Variants in CHODL observed in about 807,000 individuals in gnomAD.
The protein encoded by CHODL is transmembrane protein MT75.
A neutral mutation model predicts 34.5 loss-of-function variants in CHODL; 29 were observed. That is an observed-to-expected ratio of 0.84 (90% confidence interval 0.63 to 1.15). CHODL has a LOEUF of 1.15. Ranked by LOEUF, CHODL falls within the 50% of genes most tolerant of loss-of-function variation. The pLI is 0.00. For missense variants in CHODL, 332 were observed against 332.5 expected (o/e 1.00, Z 0.01); for synonymous variants, 125 against 116.1 (o/e 1.08, Z -0.49).
intron 2 of CHODL, among the ~76,000 whole-genome samples, chr21:18,073,719 A>C (rs1017541414): frequency 3.3e-5 from 5 of 152,012 alleles, no homozygotes; most frequent in Non-Finnish European, 5.9e-5. Flanking sequence ...GAATAAAAAG[A>C]TTAGCTTTAT....
chr21:18,106,499 T>C (rs1017015124), intron 2 of CHODL, among the ~76,000 whole-genome samples: 1 of 119,858 alleles, frequency 8.3e-6, no homozygotes, highest in African/African-American at 3.0e-5. Context: ...CTTTTTCTTT[T>C]TCTTTTTTTT....
At chr21:18,098,898 A>G (rs1157068006) in intron 2 of CHODL, among the ~76,000 whole-genome samples, 1 of 150,686 alleles carries the variant, frequency 6.6e-6, no homozygotes, top group Non-Finnish European at 1.5e-5. Context: ...TCAGCCATAA[A>G]AATGAATGAT....
At chr21:18,250,813 A>T (rs1477340439) in intron 1 of CHODL, among the ~76,000 whole-genome samples, 1 of 151,988 alleles carries the variant, frequency 6.6e-6, no homozygotes, top group African/African-American at 2.4e-5. Flanking sequence ...AAGTTAATTC[A>T]GTCTGGTTTG....
chr21:18,031,088 T>G (rs2064242128), intron 2 of CHODL, among the ~76,000 whole-genome samples: 1 of 152,094 alleles, frequency 6.6e-6, no homozygotes, highest in Non-Finnish European at 1.5e-5. Context: ...AAAATTTTGG[T>G]TCATAATGGC....
chr21:18,057,659 T>C (rs987479205), intron 2 of CHODL, among the ~76,000 whole-genome samples: 6 of 152,028 alleles, frequency 3.9e-5, no homozygotes, highest in Non-Finnish European at 8.8e-5. Context: ...GCCTATTCCA[T>C]AATCTTCAAC....
intron 1 of CHODL, among the ~76,000 whole-genome samples, chr21:17,918,701 A>G (rs1272102879): frequency 6.6e-6 from 1 of 152,076 alleles, no homozygotes; most frequent in East Asian, 1.9e-4. Flanking sequence ...AAAACCAATC[A>G]TGCCTTCCCA....
intron 2 of CHODL, among the ~76,000 whole-genome samples, chr21:18,039,295 C>T (rs1288019970): frequency 6.6e-6 from 1 of 151,614 alleles, no homozygotes; most frequent in African/African-American, 2.4e-5. Context: ...TTTGATTGTT[C>T]ATGATAATGT....
At chr21:18,081,673 C>A (rs1324288572) in intron 2 of CHODL, among the ~76,000 whole-genome samples, 1 of 148,378 alleles carries the variant, frequency 6.7e-6, no homozygotes, top group African/African-American at 2.5e-5. Flanking sequence ...AAGAGAGAAA[C>A]TCCATCTCAA....
intron 2 of CHODL, among the ~76,000 whole-genome samples, chr21:18,116,719 T>C (rs1306236106): frequency 1.3e-5 from 2 of 152,082 alleles, no homozygotes; most frequent in East Asian, 3.9e-4. Flanking sequence ...CACCACGCAG[T>C]TGACATGGGT....
At chr21:18,084,647 A>AT (rs1411527109) in intron 2 of CHODL, among the ~76,000 whole-genome samples, 5 of 152,264 alleles carry the variant, frequency 3.3e-5, no homozygotes, top group Admixed American at 2.6e-4. Context: ...TACAATTTTG[A>AT]TTTTAAAAAA....
intron 2 of CHODL, among the ~76,000 whole-genome samples, chr21:18,150,589 C>T (rs1054503185): frequency 6.6e-6 from 1 of 152,088 alleles, no homozygotes. Flanking sequence ...GGCCAGGGAG[C>T]TCTCTGATGT....
At chr21:18,262,615 A>G (rs918237350) in intron 4 of CHODL, among the ~76,000 whole-genome samples, 176 bp from the exon 5 acceptor site, 3 of 152,178 alleles carry the variant, frequency 2.0e-5, no homozygotes, top group African/African-American at 7.2e-5. Flanking sequence ...AAATGTCACT[A>G]TGTGGTGCAT....
chr21:18,041,792 T>C (rs923280336), intron 2 of CHODL, among the ~76,000 whole-genome samples: 1 of 151,844 alleles, frequency 6.6e-6, no homozygotes, highest in Non-Finnish European at 1.5e-5. Context: ...GATTAATAAA[T>C]TACAGGTGAG....
At chr21:17,954,664 A>T (rs2776079) in intron 1 of CHODL, among the ~76,000 whole-genome samples, 132,708 of 132,708 alleles carry the variant, frequency 1, 66,354 homozygotes, top group Non-Finnish European at 1. Context: ...CTTGAAGTAA[A>T]GGTTCTGTTG....
chr21:18,265,306 C>CAT (rs1000835009), intron 5 of CHODL, among the ~76,000 whole-genome samples: 2 of 142,474 alleles, frequency 1.4e-5, no homozygotes, highest in African/African-American at 5.7e-5. Context: ...CACACACACA[C>CAT]ACACATATAT....
intron 2 of CHODL, among the ~76,000 whole-genome samples, chr21:18,183,913 G>A (rs769005394): frequency 1.3e-4 from 20 of 152,090 alleles, no homozygotes; most frequent in Non-Finnish European, 2.5e-4. Flanking sequence ...CTTTTTGAAA[G>A]TCTGATTGTT....
intron 2 of CHODL, among the ~76,000 whole-genome samples, chr21:18,100,266 G>A (rs1327644371): frequency 6.6e-6 from 1 of 152,064 alleles, no homozygotes; most frequent in East Asian, 1.9e-4. Context: ...CTTAAAAATA[G>A]TAAAGGTCCT....
chr21:17,939,524 AATT>A (rs1378872462), intron 1 of CHODL, among the ~76,000 whole-genome samples: 1 of 152,202 alleles, frequency 6.6e-6, no homozygotes, highest in Non-Finnish European at 1.5e-5. Context: ...ATTAAATAAT[AATT>A]AAACAATAAA....
At chr21:17,942,886 GTTC>G (rs1317271980) in intron 1 of CHODL, among the ~76,000 whole-genome samples, 1 of 152,166 alleles carries the variant, frequency 6.6e-6, no homozygotes, top group Non-Finnish European at 1.5e-5. Context: ...CCCTCTTGCT[GTTC>G]TTCTTATAGT....
Sources: allele counts gnomAD v4.1 joint callset (sites outside exome capture counted in the v4.1 genomes callset), GRCh38; gene constraint gnomAD v4.1.1; transcripts MANE v1.5; gene names NCBI Gene and HGNC (gene_info 2026-07-23, HGNC 2026-07-21).